JMJD1C: variants seen among roughly 807,000 people sequenced by gnomAD.
The protein encoded by JMJD1C is jumonji domain-containing protein 1C.
A neutral mutation model predicts 245.3 loss-of-function variants in JMJD1C; 31 were observed. The ratio of observed to expected loss-of-function variants is 0.13; its 90% CI spans 0.09 to 0.17. The LOEUF is 0.17. Among genes scored for constraint, JMJD1C ranks in the 10% least tolerant of loss-of-function variants. The pLI is 1.00. For missense variants in JMJD1C, 2,691 were observed against 3,000.2 expected (o/e 0.90, Z 2.41); for synonymous variants, 1,057 against 1,017.4 (o/e 1.04, Z -0.74).
At chr10:63,405,234 G>T (rs1244369465) in intron 1 of JMJD1C, among the ~76,000 whole-genome samples, 1 of 151,614 alleles carries the variant, frequency 6.6e-6, no homozygotes, top group Non-Finnish European at 1.5e-5. Flanking sequence ...GACCCAAAAA[G>T]ATTAAGTGAT....
chr10:63,352,944 T>C (rs185645152), intron 2 of JMJD1C, among the ~76,000 whole-genome samples: 2 of 152,188 alleles, frequency 1.3e-5, no homozygotes, highest in Admixed American at 1.3e-4. Flanking sequence ...TATTCGGAGT[T>C]CCACTAATGG....
At chr10:63,521,475 G>T in intron 1 of JMJD1C, 1 of 1,082,234 alleles carries the variant, frequency 9.2e-7, no homozygotes. Context: ...CGCGCGGCCT[G>T]CCGTTGGCGG....
chr10:63,336,140 G>GA (rs894779390), intron 2 of JMJD1C, among the ~76,000 whole-genome samples: 2 of 151,774 alleles, frequency 1.3e-5, no homozygotes, highest in Non-Finnish European at 1.5e-5. Context: ...AAGAAAAAAA[G>GA]AAAAAAACCA....
intron 2 of JMJD1C, among the ~76,000 whole-genome samples, chr10:63,356,347 A>G (rs1284110876): frequency 6.6e-6 from 1 of 152,224 alleles, no homozygotes; most frequent in African/African-American, 2.4e-5. Context: ...CTAAATCTGT[A>G]ATGATTTCTT....
chr10:63,284,789 T>C (rs1008664473), intron 2 of JMJD1C, among the ~76,000 whole-genome samples: 7 of 151,606 alleles, frequency 4.6e-5, no homozygotes, highest in Admixed American at 4.6e-4. Flanking sequence ...CCAGAGCTTA[T>C]CCTAGAAGCT....
At chr10:63,183,641 A>G (rs917294127) in intron 21 of JMJD1C, 72 bp from the exon 22 acceptor site, 124 of 884,164 alleles carry the variant, frequency 1.4e-4, no homozygotes, top group Admixed American at 3.4e-4. Context: ...ATATTCCCCC[A>G]AATTAGCTCG....
chr10:63,488,616 A>G (rs1259141420), intron 1 of JMJD1C, among the ~76,000 whole-genome samples: 4 of 152,164 alleles, frequency 2.6e-5, no homozygotes, highest in Non-Finnish European at 5.9e-5. Context: ...CTCAGCACTC[A>G]TTATATCCAT....
chr10:63,271,323 C>T (rs186077581), intron 2 of JMJD1C, among the ~76,000 whole-genome samples: 5 of 150,530 alleles, frequency 3.3e-5, no homozygotes, highest in African/African-American at 9.8e-5. Context: ...ACTATAGACA[C>T]GCGCCACCGT....
At chr10:63,390,492 C>T (rs1403793781) in intron 1 of JMJD1C, among the ~76,000 whole-genome samples, 4 of 152,086 alleles carry the variant, frequency 2.6e-5, no homozygotes, top group African/African-American at 7.2e-5. Context: ...GTCCAAAAAA[C>T]TGAAGAGGAG....
chr10:63,338,640 A>ATT (rs34238197), intron 2 of JMJD1C, among the ~76,000 whole-genome samples: 2,878 of 95,008 alleles, frequency 0.03, 96 homozygotes, highest in East Asian at 0.041. Context: ...TGCTCCTTAG[A>ATT]TTTTTTTTTT....
rs1941837489 is a variant in JMJD1C, at chr10:63,329,008, G to A, written c.333+51310C>T. Among the ~76,000 whole-genome samples the A allele has an allele frequency of 2.6e-5, 4 of 152,316 alleles. No individual in the cohort carries two copies. The South Asian group carries it at 8.3e-4, about 32-fold the overall frequency. On this transcript the variant is annotated intron_variant, in intron 2 of 25. Coordinates refer to ENST00000399262, the MANE Select transcript of JMJD1C (RefSeq NM_032776.3). ...ATTAACAGTAAAAAACTGGCCAGGT[G>A]CCCTGGTTCATGCCTATAATCCCAG...
At chr10:63,305,393 T>C (rs1185088408) in intron 2 of JMJD1C, among the ~76,000 whole-genome samples, 1 of 138,292 alleles carries the variant, frequency 7.2e-6, no homozygotes, top group South Asian at 2.2e-4. Flanking sequence ...ACAAAAAAGG[T>C]TGCAGTGAGC....
intron 1 of JMJD1C, among the ~76,000 whole-genome samples, chr10:63,439,918 G>A (rs910852005): frequency 1.3e-5 from 2 of 152,136 alleles, no homozygotes; most frequent in Admixed American, 6.5e-5. Flanking sequence ...CTACCAATTA[G>A]AGAACAGTGC....
chr10:63,189,769 T>G (rs1209007434), intron 17 of JMJD1C, among the ~76,000 whole-genome samples: 1 of 152,108 alleles, frequency 6.6e-6, no homozygotes, highest in Non-Finnish European at 1.5e-5. Context: ...GAGATGAGGG[T>G]CTTGCTATGT....
chr10:63,435,821 C>T (rs1456813740), intron 1 of JMJD1C, among the ~76,000 whole-genome samples: 3 of 152,190 alleles, frequency 2.0e-5, no homozygotes, highest in African/African-American at 4.8e-5. Context: ...ACTGCTAGAA[C>T]CCAGGAGGCA....
intron 1 of JMJD1C, chr10:63,427,340 G>C (rs1306919688): frequency 9.2e-7 from 1 of 1,083,236 alleles, no homozygotes; most frequent in Non-Finnish European, 1.3e-6. Flanking sequence ...CAGAGTTCCT[G>C]GGACCAAGTG....
intron 2 of JMJD1C, among the ~76,000 whole-genome samples, chr10:63,328,076 G>A (rs1338839908): frequency 6.6e-6 from 1 of 151,938 alleles, no homozygotes; most frequent in Non-Finnish European, 1.5e-5. Flanking sequence ...GGAGTTTGAG[G>A]CCAGCCTGGC....
At chr10:63,182,821 G>T (rs1843651739) in intron 22 of JMJD1C, among the ~76,000 whole-genome samples, 2 of 152,124 alleles carry the variant, frequency 1.3e-5, no homozygotes, top group Admixed American at 1.3e-4. Context: ...AGAACCCTAA[G>T]AATTAGTTCC....
chr10:63,225,083 C>A (rs1849097482), intron 3 of JMJD1C, among the ~76,000 whole-genome samples: 1 of 151,802 alleles, frequency 6.6e-6, no homozygotes, highest in Non-Finnish European at 1.5e-5. Context: ...AAAAAATCCA[C>A]TTAATGGCAC....
Sources: gnomAD v4.1 joint callset for allele counts (sites outside exome capture counted in the v4.1 genomes callset) on GRCh38, gnomAD v4.1.1 for gene constraint, MANE v1.5 for transcripts, NCBI Gene and HGNC (gene_info 2026-07-23, HGNC 2026-07-21) for gene names.